The following FOXN1 variants were observed in gnomAD, a reference collection of about 807,000 sequenced individuals.
The protein encoded by FOXN1 is forkhead box N1.
A neutral mutation model predicts 49.0 loss-of-function variants in FOXN1; 15 were observed. The observed-to-expected ratio is 0.31, with a 90% CI of 0.20 to 0.47. FOXN1 has a LOEUF of 0.47. FOXN1 is among the 20% of genes least tolerant of loss of function. The pLI is 1.00. For missense variants in FOXN1, 800 were observed against 842.8 expected, an observed-to-expected ratio of 0.95 and a Z score of 0.63; for synonymous variants, 356 against 369.0, an observed-to-expected ratio of 0.96 and a Z score of 0.40.
Position 28,524,623 on chromosome 17 carries a change from T to A in FOXN1, c.244T>A (p.Cys82Ser). 1 of 1,613,570 alleles carries A rather than the reference T, an allele frequency of 6.2e-7. No homozygotes were observed. The highest frequency in any genetic ancestry group is 2.2e-5 in the East Asian group (1 of 44,868). Residue 82 changes from cysteine (C) to serine (S), a missense_variant, in exon 3 of 9, where the codon TGC (cysteine) becomes AGC (serine). Around this residue, in one of 3 missense-constraint regions of FOXN1, gnomAD observed 383 missense variants for 357.9 expected, o/e 1.07. Coordinates refer to ENST00000579795, the MANE Select transcript of FOXN1 (RefSeq NM_001369369.1). ...AGGGCCCGAGCAAGTCCAGGGCCAC[T>A]GCCCAGCCGGCCCCGGCCCTGGGCC... ...SPGPEQVQGH[C>S]PAGPGPGPFR...
At position 28,535,053 on chromosome 17, in the gene FOXN1, T is replaced by G. The variant is rs777081770; in HGVS notation, c.1482T>G (p.Pro494=). ...GCACCCCCCAGGACTCGCCTCTGCC[T>G]GCCCACACCCCACCCAGCCACAGTG... ...QPGTPQDSPL[P]AHTPPSHSAK... Residue 494 remains proline, a synonymous_variant, in exon 8 of 9, where the codon CCT becomes CCG. Transcript: ENST00000579795. The G allele has an allele frequency of 1.9e-6, 3 of 1,611,052 alleles. No individual in the cohort carries two copies. The highest frequency in any genetic ancestry group is 4.5e-5 in the East Asian group (2 of 44,812).
Position 28,535,092 on chromosome 17 carries a change from C to A in FOXN1, c.1521C>A (p.Ala507=), listed in dbSNP as rs146492596. The change falls in exon 8 of 9, where the codon GCC becomes GCA. Residue 507 remains alanine (A), a synonymous_variant. Coordinates refer to ENST00000579795, the MANE Select transcript of FOXN1 (RefSeq NM_001369369.1). ...TPPSHSAKLL[A]EPSPARTMHD... ...CCAGCCACAGTGCCAAGCTACTGGC[C>A]GAGCCTTCCCCAGCCAGGACTATGC... is the stretch of plus-strand genomic sequence containing the variant. The A allele has an allele frequency of 6.2e-7, 1 of 1,607,080 alleles. No homozygotes were observed. Among genetic ancestry groups the A allele is most frequent in the East Asian group, 2.2e-5 (1 of 44,744 alleles).
At chr17:28,530,586 C>T (rs747833573) in intron 5 of FOXN1, among the ~76,000 whole-genome samples, 163 bp from the exon 6 acceptor site, 1 of 152,222 alleles carries the variant, frequency 6.6e-6, no homozygotes. Flanking sequence ...GACCCTCGCA[C>T]GTCTGTAATT....
At chr17:28,521,102 C>T (rs1291413313) in intron 1 of FOXN1, among the ~76,000 whole-genome samples, 3 of 152,216 alleles carry the variant, frequency 2.0e-5, no homozygotes, top group African/African-American at 7.2e-5. Context: ...ACCATCCTCA[C>T]GATGACCCTG....
chr17:28,514,886 C>T (rs2069464238), intron 1 of FOXN1, among the ~76,000 whole-genome samples: 1 of 152,072 alleles, frequency 6.6e-6, no homozygotes, highest in Non-Finnish European at 1.5e-5. Context: ...CCAACGTCGC[C>T]CCCACCCACC....
At chr17:28,525,237 CTGTT>C (rs1384506344) in intron 3 of FOXN1, among the ~76,000 whole-genome samples, 2 of 152,162 alleles carry the variant, frequency 1.3e-5, no homozygotes, top group Non-Finnish European at 2.9e-5. Context: ...TGACTTCTCA[CTGTT>C]TGTTTAAATG....
rs781234322 is a variant in FOXN1 at position 28,530,874 on chromosome 17, C to G, written c.927+29C>G. 4.8e-6 allele frequency: 6 copies of G among 1,256,092 alleles called. No homozygotes were observed. The East Asian group carries it at 1.4e-4, about 29-fold the overall frequency. 77.8% of individuals were successfully genotyped at this position (1,256,092 alleles called of 1,614,324 possible). The stretch of plus-strand genomic sequence containing the variant: ...AGCCCAAGATTCCTCCCCATCCCAT[C>G]ACCCCCAAGTCCTGGACAGGCCAGG... On this transcript the variant is annotated intron_variant, in intron 6 of 8. Transcript: ENST00000579795.
At position 28,524,110 on chromosome 17, in the gene FOXN1, G is replaced by A; in HGVS notation, c.123+18G>A. The A allele has an allele frequency of 1.3e-6, 2 of 1,576,666 alleles. No homozygotes were observed. Among genetic ancestry groups the A allele is most frequent in the South Asian group, 2.3e-5 (2 of 87,550 alleles). ...CACAGAGTGTAAGTACCCGGCATCT[G>A]GGCCTGGGTTTAGGCCAAGGCCTGC... is the stretch of plus-strand genomic sequence containing the variant. On this transcript the variant is annotated intron_variant, in intron 2 of 8. Coordinates refer to ENST00000579795, the MANE Select transcript of FOXN1 (RefSeq NM_001369369.1).
chr17:28,534,599 AAAG>A lies in FOXN1; in HGVS notation c.1135+63_1135+65del, dbSNP rs2070005157. 2 of 1,590,776 alleles carry A rather than the reference AAAG, an allele frequency of 1.3e-6. No individual in the cohort carries two copies. Among genetic ancestry groups the A allele is most frequent in the Non-Finnish European group, 8.5e-7 (1 of 1,171,120 alleles). ...GGTACTCATGAGCCAAAAAAAAAAA[AAAG>A]AGAGAATCAGAGAATGAGGCAAGGC... On this transcript the variant is annotated intron_variant, in intron 7 of 8. Coordinates refer to ENST00000579795, the MANE Select transcript of FOXN1 (RefSeq NM_001369369.1). This position sits in a 1 kb window ranked among gnomAD's most constrained non-coding sequence, Gnocchi z 4.1.
At chr17:28,518,491 G>A (rs1303353432) in intron 1 of FOXN1, among the ~76,000 whole-genome samples, 1 of 152,224 alleles carries the variant, frequency 6.6e-6, no homozygotes, top group Non-Finnish European at 1.5e-5. Context: ...TTTGTGAGAA[G>A]GGCACAGAGC....
chr17:28,520,687 G>A (rs746952772), intron 1 of FOXN1, among the ~76,000 whole-genome samples: 46 of 152,214 alleles, frequency 3.0e-4, no homozygotes, highest in Non-Finnish European at 5.9e-4. Flanking sequence ...GAACTTGGCT[G>A]GAGCTGGAGA....
In FOXN1 at chr17:28,538,776, C is replaced by G. The variant is rs949540412; in HGVS notation, c.*1340C>G. 2.0e-5 allele frequency: 3 copies of G among 152,284 alleles called. No individual in the cohort carries two copies. Among genetic ancestry groups the G allele is most frequent in the African/African-American group, 7.2e-5 (3 of 41,456 alleles). The allele number at this position is 152,284 out of a possible 1,614,324, so 9.4% of individuals were successfully genotyped here. A position where few individuals can be genotyped will look rare whatever the true frequency, so the allele number is the denominator to read the frequency against. ...AGGGGGAACCTCAGCCCACCCTGGG[C>G]CTGGGGGTGACAAGAACTTCCACAG... On this transcript the variant is annotated 3_prime_UTR_variant, in exon 9 of 9. Transcript: ENST00000579795.
chr17:28,507,665 C>T (rs1218598271), intron 1 of FOXN1, among the ~76,000 whole-genome samples: 2 of 152,202 alleles, frequency 1.3e-5, no homozygotes, highest in African/African-American at 2.4e-5. Flanking sequence ...TGCCCGGTAG[C>T]CTTCTTCCTC....
chr17:28,531,617 A>G (rs1405830097), intron 6 of FOXN1, among the ~76,000 whole-genome samples: 1 of 152,002 alleles, frequency 6.6e-6, no homozygotes, highest in Non-Finnish European at 1.5e-5. Context: ...TGCCACCTAG[A>G]CCCTCCAGCA....
rs2070103776 is a variant in FOXN1 at position 28,537,596 on chromosome 17, G to A, written c.*160G>A. The A allele has an allele frequency of 4.4e-6, 3 of 688,650 alleles. No homozygotes were observed. Among genetic ancestry groups the A allele is most frequent in the East Asian group, 5.4e-5 (2 of 36,952 alleles). 42.7% of individuals were successfully genotyped at this position (688,650 alleles called of 1,614,324 possible). A position where few individuals can be genotyped will look rare whatever the true frequency, so the allele number is the denominator to read the frequency against. On this transcript the variant is annotated 3_prime_UTR_variant, in exon 9 of 9. Transcript: ENST00000579795. Reference sequence around the variant, plus strand: ...TCAGCTGGTAGCTGGGGGCGCAGAGGACATCACCTGGGGTGCTGCCTCTCA... The same window carrying A: ...TCAGCTGGTAGCTGGGGGCGCAGAGAACATCACCTGGGGTGCTGCCTCTCA...
intron 6 of FOXN1, among the ~76,000 whole-genome samples, chr17:28,533,492 C>T (rs900327528): frequency 6.6e-6 from 1 of 151,128 alleles, no homozygotes; most frequent in African/African-American, 2.4e-5. Context: ...AGCACCCCCC[C>T]CCACTGCCTG....
At chr17:28,523,103 G>C (rs907342751) in intron 1 of FOXN1, among the ~76,000 whole-genome samples, 4 of 152,218 alleles carry the variant, frequency 2.6e-5, no homozygotes, top group African/African-American at 9.6e-5. Context: ...CCACCCCACT[G>C]TGTTAGGGAC....
In FOXN1 at chr17:28,534,274, A is replaced by C. The variant is rs2069992235; in HGVS notation, c.928-57A>C. ...GGAGTGTTCTAGAACCCAGACCTGA[A>C]GCCCGCTCTGGCTTCCTGAGCCTGG... is the stretch of plus-strand genomic sequence containing the variant. On this transcript the variant is annotated intron_variant, in intron 6 of 8. Coordinates refer to ENST00000579795, the MANE Select transcript of FOXN1 (RefSeq NM_001369369.1). This position sits in a 1 kb window ranked among gnomAD's most constrained non-coding sequence, Gnocchi z 4.1. 3.1e-6 allele frequency: 5 copies of C among 1,613,088 alleles called. No homozygotes were observed. The South Asian group carries it at 5.5e-5, about 18-fold the overall frequency.
chr17:28,523,426 A>C (rs2069681673), intron 1 of FOXN1, among the ~76,000 whole-genome samples: 1 of 152,128 alleles, frequency 6.6e-6, no homozygotes, highest in Non-Finnish European at 1.5e-5. Context: ...GCCTCTGCTG[A>C]GGGCTGGCTC....
Sources: gnomAD v4.1 joint callset for allele counts (sites outside exome capture counted in the v4.1 genomes callset) on GRCh38, gnomAD v4.1.1 for gene constraint, gnomAD v4.1.1 regional missense constraint, Gnocchi (gnomAD v3.1) non-coding constraint, MANE v1.5 for transcripts, NCBI Gene and HGNC (gene_info 2026-07-23, HGNC 2026-07-21) for gene names.